The following UBE2E2 variants were observed in gnomAD, a reference collection of about 807,000 sequenced individuals.
UBE2E2 encodes the protein ubiquitin-conjugating enzyme E2 E2.
Under a neutral mutation model 24.7 loss-of-function variants are expected in UBE2E2, and 6 were observed. That is an observed-to-expected ratio of 0.24 (90% CI 0.13 to 0.48). The LOEUF is 0.48. Ranked by LOEUF, UBE2E2 falls within the 20% of genes least tolerant of loss-of-function variation. The pLI is 0.99. For synonymous variants in UBE2E2, 104 were observed against 83.6 expected (o/e 1.24, Z -1.33); for missense variants, 169 against 245.0 (o/e 0.69, Z 2.07).
chr3:23,584,241 C>A (rs116811679), intron 5 of UBE2E2, among the ~76,000 whole-genome samples: 2,210 of 152,280 alleles, frequency 0.015, 39 homozygotes, highest in African/African-American at 0.05. Flanking sequence ...GTTGAACCAA[C>A]CTTGCATCCC....
At chr3:23,512,392 G>T (rs1694619839) in intron 4 of UBE2E2, among the ~76,000 whole-genome samples, 1 of 151,316 alleles carries the variant, frequency 6.6e-6, no homozygotes, top group Non-Finnish European at 1.5e-5. Context: ...AAATTTTTTT[G>T]ATTTCTGAAA....
chr3:23,314,872 G>T (rs1359782386), intron 3 of UBE2E2, among the ~76,000 whole-genome samples: 1 of 152,060 alleles, frequency 6.6e-6, no homozygotes, highest in Non-Finnish European at 1.5e-5. Context: ...ACTCTTTTTA[G>T]TATCCTTTAT....
At chr3:23,374,760 T>C (rs1696479963) in intron 3 of UBE2E2, among the ~76,000 whole-genome samples, 1 of 152,212 alleles carries the variant, frequency 6.6e-6, no homozygotes, top group Non-Finnish European at 1.5e-5. Context: ...TAGGGAGTGC[T>C]GAATTAAATT....
intron 3 of UBE2E2, among the ~76,000 whole-genome samples, chr3:23,356,686 A>G (rs1016308474): frequency 4.6e-5 from 7 of 152,174 alleles, no homozygotes; most frequent in African/African-American, 1.2e-4. Flanking sequence ...CTTTTAGAAA[A>G]TCTTCTCATA....
chr3:23,382,919 AAG>A (rs768920968), intron 3 of UBE2E2, among the ~76,000 whole-genome samples: 1 of 152,158 alleles, frequency 6.6e-6, no homozygotes, highest in Non-Finnish European at 1.5e-5. Flanking sequence ...CCAAGGAGGT[AAG>A]AGTCAGGAGG....
At chr3:23,516,310 A>G (rs1694739872) in intron 4 of UBE2E2, among the ~76,000 whole-genome samples, 1 of 152,024 alleles carries the variant, frequency 6.6e-6, no homozygotes, top group South Asian at 2.1e-4. Flanking sequence ...GCAGTGCATA[A>G]AACTTGAGTT....
chr3:23,506,424 A>G (rs1385535138), intron 4 of UBE2E2, among the ~76,000 whole-genome samples: 1 of 152,188 alleles, frequency 6.6e-6, no homozygotes, highest in Non-Finnish European at 1.5e-5. Flanking sequence ...TGCTAAAACT[A>G]AAAACCTTAC....
chr3:23,569,580 C>A (rs936976075), intron 5 of UBE2E2, among the ~76,000 whole-genome samples: 6 of 152,114 alleles, frequency 3.9e-5, no homozygotes, highest in African/African-American at 1.4e-4. Flanking sequence ...GAGCTTTTTG[C>A]AGTGGTATTT....
Position 23,336,994 on chromosome 3 carries a change from G to A in UBE2E2, c.227+119682G>A, listed in dbSNP as rs141630130. ...ATCTCTACAAAAAATAGAAAAATTA[G>A]CCAGTGTGTTGGCACATGCCTGTTG... On this transcript the variant is annotated intron_variant, in intron 3 of 5. Coordinates refer to ENST00000396703, the MANE Select transcript of UBE2E2 (RefSeq NM_152653.4). 4.6e-5 allele frequency among the ~76,000 whole-genome samples: 7 copies of A among 152,170 alleles called. No homozygotes were observed. The East Asian group carries it at 1.4e-3, about 29-fold the overall frequency.
chr3:23,222,104 G>A (rs1020185824), intron 3 of UBE2E2, among the ~76,000 whole-genome samples: 1 of 151,826 alleles, frequency 6.6e-6, no homozygotes, highest in Admixed American at 6.6e-5. Context: ...TGTGACATTT[G>A]TCATTCTCTG....
At chr3:23,287,398 C>T (rs1427562805) in intron 3 of UBE2E2, among the ~76,000 whole-genome samples, 2 of 151,922 alleles carry the variant, frequency 1.3e-5, no homozygotes, top group African/African-American at 4.8e-5. Context: ...TTTTGGTGTG[C>T]CTTTATCTGG....
At chr3:23,498,121 CTTTT>C (rs1161565306) in intron 3 of UBE2E2, among the ~76,000 whole-genome samples, 1 of 151,900 alleles carries the variant, frequency 6.6e-6, no homozygotes, top group African/African-American at 2.4e-5. Context: ...TTAATAGAGT[CTTTT>C]TTTAGTTGAT....
At chr3:23,283,212 A>C (rs60180776) in intron 3 of UBE2E2, among the ~76,000 whole-genome samples, 127 of 151,672 alleles carry the variant, frequency 8.4e-4, no homozygotes, top group African/African-American at 2.8e-3. Context: ...CCAGTAAAAA[A>C]CTTTTTTTTT....
chr3:23,562,463 C>T (rs1043361419), intron 5 of UBE2E2, among the ~76,000 whole-genome samples: 33 of 152,220 alleles, frequency 2.2e-4, no homozygotes, highest in East Asian at 3.9e-4. Flanking sequence ...CTGCTGGATT[C>T]GGTTTGCCAG....
At chr3:23,441,375 A>AC (rs1270427792) in intron 3 of UBE2E2, among the ~76,000 whole-genome samples, 1 of 150,426 alleles carries the variant, frequency 6.6e-6, no homozygotes, top group Non-Finnish European at 1.5e-5. Context: ...ATCCAAAAAA[A>AC]AAAAAAAAAA....
rs879269206 is a variant in UBE2E2 at position 23,234,669 on chromosome 3, G to T, written c.227+17357G>T. On this transcript the variant is annotated intron_variant, in intron 3 of 5. Coordinates refer to ENST00000396703, the MANE Select transcript of UBE2E2 (RefSeq NM_152653.4). ...TGGAGGCTTGGGAAGGAGGTAGGGG[G>T]CAGTCTCTTGCTGTACTAATCTCTA... Among the ~76,000 whole-genome samples the T allele has an allele frequency of 2.6e-4, 39 of 152,096 alleles. 1 individual carries two copies. Among genetic ancestry groups the T allele is most frequent in the Admixed American group, 2.4e-3 (36 of 15,250 alleles).
chr3:23,580,795 C>T (rs1453582494), intron 5 of UBE2E2, among the ~76,000 whole-genome samples: 1 of 152,178 alleles, frequency 6.6e-6, no homozygotes, highest in African/African-American at 2.4e-5. Flanking sequence ...TTATCCCAGG[C>T]AGAGGAACCA....
intron 3 of UBE2E2, among the ~76,000 whole-genome samples, chr3:23,484,260 C>T (rs1421257148): frequency 1.3e-5 from 2 of 152,168 alleles, no homozygotes; most frequent in African/African-American, 2.4e-5. Context: ...TAATTGCCAC[C>T]CCTTTTATGA....
chr3:23,343,227 C>G (rs1695449937), intron 3 of UBE2E2, among the ~76,000 whole-genome samples: 1 of 151,210 alleles, frequency 6.6e-6, no homozygotes. Flanking sequence ...AGGACTTAGT[C>G]TAAAATGGAA....
Sources: gnomAD v4.1 joint callset for allele counts (sites outside exome capture counted in the v4.1 genomes callset) on GRCh38, gnomAD v4.1.1 for gene constraint, MANE v1.5 for transcripts, NCBI Gene and HGNC (gene_info 2026-07-23, HGNC 2026-07-21) for gene names.